TPT1: variants seen among roughly 807,000 people sequenced by gnomAD.
The protein encoded by TPT1 is tumor protein, translationally-controlled 1.
TPT1 carries 5 observed loss-of-function variants against 22.8 expected under a neutral mutation model. The ratio of observed to expected loss-of-function variants is 0.22; its 90% CI spans 0.11 to 0.46. TPT1 has a LOEUF of 0.46. Ranked by LOEUF, TPT1 falls within the 20% of genes least tolerant of loss-of-function variation. TPT1 has a pLI of 0.99. For synonymous variants in TPT1, 89 were observed against 73.6 expected (o/e 1.21, Z -1.07); for missense variants, 130 against 218.7 (o/e 0.59, Z 2.56).
At chr13:45,337,457 T>TGCA (rs1878776139) in intron 5 of TPT1, 69 bp from the exon 6 acceptor site, 1 of 1,614,166 alleles carries the variant, frequency 6.2e-7, no homozygotes, top group Non-Finnish European at 8.5e-7. Context: ...ACCATTAACA[T>TGCA]GCAGCCTACA....
intron 3 of TPT1, 57 bp downstream of exon 3, chr13:45,339,937 A>G (rs1878969788): frequency 1.3e-6 from 2 of 1,574,492 alleles, no homozygotes; most frequent in Non-Finnish European, 1.7e-6. Flanking sequence ...AAAGTTAGCC[A>G]ATCTTTAAAT....
At position 45,334,936 on chromosome 13, in the gene TPT1, T is replaced by C. The variant is rs190839739; in HGVS notation, c.*2450A>G. On this transcript the variant is annotated 3_prime_UTR_variant, in exon 6 of 6. Transcript: ENST00000530705. ...TGGCCTGGAATGGTTTGTCCTGATA[T>C]CCACATGGCCTACTTCCACACCTTC... The C allele has an allele frequency of 2.6e-5, 4 of 152,294 alleles. No homozygotes were observed. Among genetic ancestry groups the C allele is most frequent in the African/African-American group, 9.6e-5 (4 of 41,546 alleles). 9.4% of individuals were successfully genotyped at this position (152,294 alleles called of 1,614,324 possible). A position where few individuals can be genotyped will look rare whatever the true frequency, so the allele number is the denominator to read the frequency against.
chr13:45,338,510 G>A, intron 5 of TPT1, 150 bp downstream of exon 5: 1 of 1,408,854 alleles, frequency 7.1e-7, no homozygotes, highest in Non-Finnish European at 9.3e-7. Flanking sequence ...TTTTACATAT[G>A]AAACACAATT....
chr13:45,339,618 A>G lies in TPT1; in HGVS notation c.294-16T>C. On this transcript the variant is annotated splice_polypyrimidine_tract_variant and intron_variant, in intron 3 of 5. Coordinates refer to ENST00000530705, the MANE Select transcript of TPT1 (RefSeq NM_003295.4). ...CCCTTTGATTCTAAAACAACATTTC[A>G]TTAACAGGTTGAAGTATTGAATTTT... is the stretch of plus-strand genomic sequence containing the variant. The G allele has an allele frequency of 6.3e-7, 1 of 1,592,804 alleles. No individual in the cohort carries two copies. Among genetic ancestry groups the G allele is most frequent in the Non-Finnish European group, 8.6e-7 (1 of 1,164,794 alleles).
intron 4 of TPT1, chr13:45,338,980 C>A (rs1208531060): frequency 2.1e-6 from 1 of 470,232 alleles, no homozygotes; most frequent in Non-Finnish European, 3.7e-6. Flanking sequence ...AAATAACGTA[C>A]AGAGCAATCC....
rs1162991282 is a variant in TPT1, at chr13:45,340,339, A to G, written c.103-155T>C. The G allele has an allele frequency of 1.7e-5, 18 of 1,046,194 alleles. No individual in the cohort carries two copies. In the Admixed American group the frequency reaches 3.5e-4, roughly 20 times the overall value. The allele number at this position is 1,046,194 out of a possible 1,614,324, so 64.8% of individuals were successfully genotyped here. The stretch of plus-strand genomic sequence containing the variant: ...TAAAGTTGTGACCCGTGGATTTCTC[A>G]AAACGACCTAACTTAAAAGAGTTGT... On this transcript the variant is annotated intron_variant, in intron 2 of 5. Transcript: ENST00000530705.
intron 4 of TPT1, 67 bp from the exon 5 acceptor site, chr13:45,338,843 CTACAG>C (rs2137549617): frequency 7.4e-7 from 1 of 1,344,060 alleles, no homozygotes; most frequent in East Asian, 2.4e-5. Flanking sequence ...TCAAAACAAA[CTACAG>C]TACAAGGGAA....
chr13:45,340,358 G>C, intron 2 of TPT1, 174 bp from the exon 3 acceptor site: 1 of 977,962 alleles, frequency 1.0e-6, no homozygotes, highest in Non-Finnish European at 1.6e-6. Context: ...TAACTTAAAA[G>C]AGTTGTCTGT....
At chr13:45,340,401 T>C (rs1226327885) in intron 2 of TPT1, 8 of 797,856 alleles carry the variant, frequency 1.0e-5, no homozygotes, top group Non-Finnish European at 1.7e-5. Context: ...CATTAAAAAG[T>C]TGTTTCCAGT....
intron 2 of TPT1, 146 bp from the exon 3 acceptor site, chr13:45,340,330 G>T: frequency 1.8e-6 from 2 of 1,131,026 alleles, no homozygotes; most frequent in Non-Finnish European, 2.6e-6. Context: ...TGTGACCCGT[G>T]GATTTCTCAA....
chr13:45,339,642 T>C (rs1878948081), intron 3 of TPT1, 40 bp from the exon 4 acceptor site: 1 of 1,521,722 alleles, frequency 6.6e-7, no homozygotes, highest in African/African-American at 1.4e-5. Context: ...GTATTGAATT[T>C]TCAGTAAAAT....
Position 45,341,138 on chromosome 13 carries a change from T to C in TPT1, c.-69A>G. On this transcript the variant is annotated 5_prime_UTR_variant, in exon 1 of 6. Transcript: ENST00000530705. ...AGCCTGAAACTCGGAGCGAGCGCGG[T>C]GCAGCCGGAGCGGCGCTCGGGGGGA... 1 of 1,594,966 alleles carries C rather than the reference T, an allele frequency of 6.3e-7. No individual in the cohort carries two copies. Among genetic ancestry groups the C allele is most frequent in the Non-Finnish European group, 8.5e-7 (1 of 1,171,226 alleles).
At position 45,339,418 on chromosome 13, in the gene TPT1, T is replaced by C. The variant is rs553357605; in HGVS notation, c.399+79A>G. On this transcript the variant is annotated intron_variant, in intron 4 of 5. Coordinates refer to ENST00000530705, the MANE Select transcript of TPT1 (RefSeq NM_003295.4). ...CTACACCTGGAATACTAGTATAGAATTGAAGATTAATCAACTTAATTTTTG... is the reference window on the plus strand; with the variant it reads ...CTACACCTGGAATACTAGTATAGAACTGAAGATTAATCAACTTAATTTTTG... The C allele has an allele frequency of 1.0e-4, 131 of 1,308,088 alleles. 2 individuals carry two copies. The Middle Eastern group carries it at 1.5e-3, about 15-fold the overall frequency. The allele number at this position is 1,308,088 out of a possible 1,614,324, so 81.0% of individuals were successfully genotyped here.
chr13:45,339,680 C>T (rs1878951073), intron 3 of TPT1, 78 bp from the exon 4 acceptor site: 1 of 1,376,122 alleles, frequency 7.3e-7, no homozygotes, highest in African/African-American at 1.5e-5. Flanking sequence ...AATATCCAAG[C>T]TTAAAAAAAG....
Position 45,341,042 on chromosome 13 carries a change from G to T in TPT1, c.28C>A (p.His10Asn). 1 of 1,612,958 alleles carries T rather than the reference G, an allele frequency of 6.2e-7. No homozygotes were observed. Among genetic ancestry groups the T allele is most frequent in the Non-Finnish European group, 8.5e-7 (1 of 1,179,376 alleles). Residue 10 changes from histidine to asparagine, a missense_variant and splice_region_variant, in exon 1 of 6, where the codon CAC becomes AAC. By Grantham distance (68) the His-to-Asn change is moderately conservative. Transcript: ENST00000530705. The part of the protein sequence containing the change: MIIYRDLIS[H>N]DEMFSDIYKI... ...TAAGGATAGTGCAGTGAGGACTCACGGCTGATGAGGTCCCGGTAGATAATC... is the reference window on the plus strand; with the variant it reads ...TAAGGATAGTGCAGTGAGGACTCACTGCTGATGAGGTCCCGGTAGATAATC...
intron 3 of TPT1, 69 bp from the exon 4 acceptor site, chr13:45,339,671 A>T: frequency 7.0e-7 from 1 of 1,423,514 alleles, no homozygotes; most frequent in Middle Eastern, 1.8e-4. Context: ...AAAGTAAAAA[A>T]TATCCAAGCT....
Position 45,334,984 on chromosome 13 carries a change from A to G in TPT1, c.*2402T>C, listed in dbSNP as rs1034454729. The G allele has an allele frequency of 6.6e-6, 1 of 152,152 alleles. No homozygotes were observed. The highest frequency in any genetic ancestry group is 2.4e-5 in the African/African-American group (1 of 41,432). The allele number at this position is 152,152 out of a possible 1,614,324, so 9.4% of individuals were successfully genotyped here. On this transcript the variant is annotated 3_prime_UTR_variant, in exon 6 of 6. Transcript: ENST00000530705. ...TTCATTTGTTTTCAAATGTCACATT[A>G]CAAGGACCTTCCTAGAAAAGTCCTC...
At position 45,340,713 on chromosome 13, in the gene TPT1, T is replaced by G. The variant is rs1176239033; in HGVS notation, c.101A>C (p.Lys34Thr). Residue 34 changes from lysine to threonine, a missense_variant and splice_region_variant, in exon 2 of 6, where the codon AAG becomes ACG. Lys to Thr is a moderately conservative substitution (Grantham distance 78, BLOSUM62 -1). Transcript: ENST00000530705. ...ADGLCLEVEG[K>T]MVSRTEGNID... ...CACGCGCAGGCCCGACCGACTCACC[T>G]TCCCCTCCACCTCCAGGCACAACCC... 3 of 1,540,006 alleles carry G rather than the reference T, an allele frequency of 1.9e-6. No homozygotes were observed. Among genetic ancestry groups the G allele is most frequent in the Non-Finnish European group, 2.6e-6 (3 of 1,144,510 alleles).
intron 3 of TPT1, 136 bp from the exon 4 acceptor site, chr13:45,339,738 G>T (rs1018964202): frequency 1.3e-5 from 10 of 796,980 alleles, no homozygotes; most frequent in Non-Finnish European, 2.0e-5. Flanking sequence ...CTAGTTCACA[G>T]AAGGTATCTT....
Sources: gnomAD v4.1 joint callset for allele counts on GRCh38, gnomAD v4.1.1 for gene constraint, MANE v1.5 for transcripts, NCBI Gene and HGNC (gene_info 2026-07-23, HGNC 2026-07-21) for gene names.